The following TCP11L1 variants were observed in gnomAD, a reference collection of about 807,000 sequenced individuals.
TCP11L1 encodes t-complex 11 like 1.
In TCP11L1, 28 loss-of-function variants were observed where a neutral mutation model predicts 48.9. The observed-to-expected ratio is 0.57, with a 90% CI of 0.42 to 0.78. The LOEUF is 0.78. Among genes scored for constraint, TCP11L1 ranks in the 30% least tolerant of loss-of-function variants. The pLI is 0.00. For synonymous variants in TCP11L1, 204 were observed against 231.9 expected, an observed-to-expected ratio of 0.88 and a Z score of 1.09; for missense variants, 505 against 613.4, an observed-to-expected ratio of 0.82 and a Z score of 1.87.
At chr11:33,061,203 A>G (rs1427451552) in intron 6 of TCP11L1, among the ~76,000 whole-genome samples, 1 of 151,622 alleles carries the variant, frequency 6.6e-6, no homozygotes, top group Non-Finnish European at 1.5e-5. Context: ...CAGTCTTCCC[A>G]CCTCAGCCTC....
At chr11:33,059,771 G>A (rs928289801) in intron 6 of TCP11L1, among the ~76,000 whole-genome samples, 1 of 152,216 alleles carries the variant, frequency 6.6e-6, no homozygotes, top group Non-Finnish European at 1.5e-5. Context: ...GACCAGATTA[G>A]TTAAGTGAAT....
At chr11:33,061,459 G>T in intron 6 of TCP11L1, 71 bp from the exon 7 acceptor site, 1 of 1,416,600 alleles carries the variant, frequency 7.1e-7, no homozygotes, top group Non-Finnish European at 9.5e-7. Context: ...GACATCGATT[G>T]TCCCTTAAGT....
At chr11:33,050,885 C>G (rs1053710123) in intron 2 of TCP11L1, among the ~76,000 whole-genome samples, 2 of 151,604 alleles carry the variant, frequency 1.3e-5, no homozygotes, top group Non-Finnish European at 2.9e-5. Context: ...GGGGTCATGG[C>G]TCACTGCAAC....
chr11:33,053,639 C>T (rs914693806), intron 2 of TCP11L1, among the ~76,000 whole-genome samples: 3 of 152,060 alleles, frequency 2.0e-5, no homozygotes, highest in Middle Eastern at 3.2e-3. Flanking sequence ...GACTCTTTTT[C>T]AAAGTTTTTG....
At chr11:33,066,128 G>A (rs997987513) in intron 8 of TCP11L1, 117 bp downstream of exon 8, 2 of 1,329,042 alleles carry the variant, frequency 1.5e-6, no homozygotes, top group East Asian at 4.7e-5. Context: ...TAGGAACTGA[G>A]AAGAAACCTT....
chr11:33,054,576 G>C lies in TCP11L1; in HGVS notation c.164-17G>C, dbSNP rs780380426. The stretch of plus-strand genomic sequence containing the variant: ...GATCCAGGGAAGCAAATCTCTTACA[G>C]TGAGTTTCTGTTACAGCTAGTCCTC... On this transcript the variant is annotated splice_polypyrimidine_tract_variant and intron_variant, in intron 2 of 9. Coordinates refer to ENST00000334274, the MANE Select transcript of TCP11L1 (RefSeq NM_018393.4). 6.2e-7 allele frequency: 1 copy of C among 1,605,166 alleles called. No homozygotes were observed. Among genetic ancestry groups the C allele is most frequent in the South Asian group, 1.1e-5 (1 of 88,628 alleles).
At chr11:33,064,575 G>A (rs1047603940) in intron 7 of TCP11L1, among the ~76,000 whole-genome samples, 1 of 152,168 alleles carries the variant, frequency 6.6e-6, no homozygotes, top group Non-Finnish European at 1.5e-5. Flanking sequence ...CATGGGGGAG[G>A]CAGTCATGGG....
rs1328856467 is a variant in TCP11L1 at position 33,073,477 on chromosome 11, C to T, written c.*801C>T. The T allele has an allele frequency of 1.3e-5, 2 of 151,326 alleles. No individual in the cohort carries two copies. Among genetic ancestry groups the T allele is most frequent in the South Asian group, 2.1e-4 (1 of 4,806 alleles). 9.4% of individuals were successfully genotyped at this position (151,326 alleles called of 1,614,324 possible). A position where few individuals can be genotyped will look rare whatever the true frequency, so the allele number is the denominator to read the frequency against. Reference sequence around the variant, plus strand: ...GAAAAATAGTTTACTGTAATGTGAACGAAGAGAAATGTCTGGAATTCTTAC... The same window carrying T: ...GAAAAATAGTTTACTGTAATGTGAATGAAGAGAAATGTCTGGAATTCTTAC... On this transcript the variant is annotated 3_prime_UTR_variant, in exon 10 of 10. Coordinates refer to ENST00000334274, the MANE Select transcript of TCP11L1 (RefSeq NM_018393.4).
intron 2 of TCP11L1, among the ~76,000 whole-genome samples, chr11:33,050,158 A>G (rs1854116705): frequency 6.6e-6 from 1 of 152,230 alleles, no homozygotes; most frequent in African/African-American, 2.4e-5. Context: ...CAGGGTTGGG[A>G]CAAGGGTTAC....
intron 2 of TCP11L1, among the ~76,000 whole-genome samples, chr11:33,049,863 C>T (rs1304008913): frequency 6.6e-6 from 1 of 152,176 alleles, no homozygotes; most frequent in Non-Finnish European, 1.5e-5. Context: ...AGACCCTTTA[C>T]AGGTGTTGGG....
chr11:33,060,103 T>A (rs1191508981), intron 6 of TCP11L1, among the ~76,000 whole-genome samples: 1 of 152,044 alleles, frequency 6.6e-6, no homozygotes. Context: ...AGTTTTTTCT[T>A]GTTGTTGTTG....
intron 5 of TCP11L1, 104 bp downstream of exon 5, chr11:33,058,243 G>C: frequency 9.0e-7 from 1 of 1,111,904 alleles, no homozygotes; most frequent in Non-Finnish European, 1.2e-6. Context: ...CTGTTGCAAA[G>C]GCTGGAGTGC....
In TCP11L1 at chr11:33,065,984, A is replaced by G; in HGVS notation, c.1127A>G (p.Lys376Arg). 6.2e-7 allele frequency: 1 copy of G among 1,614,110 alleles called. No individual in the cohort carries two copies. The highest frequency in any genetic ancestry group is 1.1e-5 in the South Asian group (1 of 91,082). Residue 376 changes from lysine (K) to arginine (R), a missense_variant, in exon 8 of 10, where the codon AAG (lysine) becomes AGG (arginine). Lys to Arg is a conservative substitution (Grantham distance 26). Coordinates refer to ENST00000334274, the MANE Select transcript of TCP11L1 (RefSeq NM_018393.4). ...DFAEKLKMIV[K>R]ILLTDMHLPS... is the part of the protein sequence containing the mutation. The stretch of plus-strand genomic sequence containing the variant: ...GCTGAGAAACTCAAGATGATTGTGA[A>G]GATTTTGCTAACAGATATGCACCTG...
rs1279309458 is a variant in TCP11L1, at chr11:33,058,068, A to G, written c.567A>G (p.Thr189=). The change falls in exon 5 of 10, where the codon ACA becomes ACG. Residue 189 remains threonine (T), a synonymous_variant. Coordinates refer to ENST00000334274, the MANE Select transcript of TCP11L1 (RefSeq NM_018393.4). ...AATTCATTATTGGCATGATGGGGAC[A>G]CTGTGTGCACCTGCTCGAGATGAGG... ...LAEFIIGMMG[T]LCAPARDEEV... is the part of the protein sequence containing the mutation. The G allele has an allele frequency of 7.4e-6, 12 of 1,614,070 alleles. No individual in the cohort carries two copies. Among genetic ancestry groups the G allele is most frequent in the Non-Finnish European group, 8.5e-6 (10 of 1,180,044 alleles).
intron 7 of TCP11L1, among the ~76,000 whole-genome samples, chr11:33,062,235 T>C (rs1854488887): frequency 6.6e-6 from 1 of 152,180 alleles, no homozygotes; most frequent in Non-Finnish European, 1.5e-5. Flanking sequence ...ATTGCCACTG[T>C]TTAATTGAGA....
In TCP11L1 at chr11:33,072,766, G is replaced by C; in HGVS notation, c.*90G>C. The C allele has an allele frequency of 7.1e-7, 1 of 1,411,026 alleles. No individual in the cohort carries two copies. Among genetic ancestry groups the C allele is most frequent in the Non-Finnish European group, 9.9e-7 (1 of 1,008,246 alleles). 87.4% of individuals were successfully genotyped at this position (1,411,026 alleles called of 1,614,324 possible). A position where few individuals can be genotyped will look rare whatever the true frequency, so the allele number is the denominator to read the frequency against. ...TGTTGCATTGGAAAATGGCTATATA[G>C]TACATGTCTATTTAACAGCACCGAT... On this transcript the variant is annotated 3_prime_UTR_variant, in exon 10 of 10. Coordinates refer to ENST00000334274, the MANE Select transcript of TCP11L1 (RefSeq NM_018393.4).
At position 33,059,019 on chromosome 11, in the gene TCP11L1, C is replaced by T. The variant is rs1230739157; in HGVS notation, c.699C>T (p.Ser233=). The change falls in exon 6 of 10, where the codon AGC becomes AGT. Residue 233 remains serine, a synonymous_variant. Coordinates refer to ENST00000334274, the MANE Select transcript of TCP11L1 (RefSeq NM_018393.4). The part of the protein sequence containing the change: ...KVDMANFAIS[S]IRPHLMQQSV... ...ACATGGCCAACTTTGCTATCAGTAG[C>T]ATCAGGCCTCATCTCATGCAGCAGT... is the stretch of plus-strand genomic sequence containing the variant. The T allele has an allele frequency of 1.2e-6, 2 of 1,614,194 alleles. No homozygotes were observed. The highest frequency in any genetic ancestry group is 1.7e-6 in the Non-Finnish European group (2 of 1,180,046).
At chr11:33,046,451 T>C (rs1853996030) in intron 2 of TCP11L1, among the ~76,000 whole-genome samples, 1 of 152,246 alleles carries the variant, frequency 6.6e-6, no homozygotes, top group Admixed American at 6.5e-5. Flanking sequence ...AGAATACTTA[T>C]CCTGGGACCT....
At chr11:33,057,702 A>G (rs560866075) in intron 4 of TCP11L1, among the ~76,000 whole-genome samples, 22 of 152,334 alleles carry the variant, frequency 1.4e-4, no homozygotes, top group Admixed American at 4.6e-4. Context: ...TTTTTCTTCT[A>G]TCCATTTAAT....
Sources: gnomAD v4.1 joint callset for allele counts (sites outside exome capture counted in the v4.1 genomes callset) on GRCh38, gnomAD v4.1.1 for gene constraint, MANE v1.5 for transcripts, NCBI Gene and HGNC (gene_info 2026-07-23, HGNC 2026-07-21) for gene names.